CMSS1: variants seen among roughly 807,000 people sequenced by gnomAD.
CMSS1 encodes protein CMSS1.
In CMSS1, 33 loss-of-function variants were observed where a neutral mutation model predicts 43.5. The observed-to-expected ratio is 0.76, with a 90% CI of 0.57 to 1.01. The LOEUF (loss-of-function observed/expected upper bound fraction) is 1.01, where lower values mean the gene tolerates loss of function less well. Among genes scored for constraint, CMSS1 ranks in the 50% least tolerant of loss-of-function variants. The pLI is 0.00. For missense variants in CMSS1, 313 were observed against 326.4 expected, an observed-to-expected ratio of 0.96 and a Z score of 0.32; for synonymous variants, 115 against 117.2, an observed-to-expected ratio of 0.98 and a Z score of 0.12.
intron 1 of CMSS1, among the ~76,000 whole-genome samples, chr3:99,977,470 A>T (rs942495031): frequency 1.3e-5 from 2 of 152,138 alleles, no homozygotes; most frequent in Non-Finnish European, 2.9e-5. Flanking sequence ...AGTTGGATAG[A>T]GTAGCTATGA....
chr3:100,090,646 AT>A (rs2066088366), intron 1 of CMSS1, among the ~76,000 whole-genome samples: 2 of 152,086 alleles, frequency 1.3e-5, no homozygotes, highest in Non-Finnish European at 2.9e-5. Context: ...TCTCTGTAGC[AT>A]TTCCCATTGC....
chr3:99,924,108 TG>T, intron 1 of CMSS1: 2 of 825,282 alleles, frequency 2.4e-6, no homozygotes, highest in Non-Finnish European at 3.9e-6. Flanking sequence ...TTCCTCACCC[TG>T]GACTATGAGA....
chr3:99,871,851 A>AT (rs1482727467), intron 1 of CMSS1, among the ~76,000 whole-genome samples: 7 of 151,900 alleles, frequency 4.6e-5, no homozygotes, highest in Non-Finnish European at 8.8e-5. Context: ...AAATACACTT[A>AT]TTTTTTATTT....
At chr3:100,128,804 G>C (rs1368863967) in intron 1 of CMSS1, among the ~76,000 whole-genome samples, 1 of 152,190 alleles carries the variant, frequency 6.6e-6, no homozygotes, top group Admixed American at 6.5e-5. Flanking sequence ...ATGCTTTTGA[G>C]ATTAATCCAC....
intron 1 of CMSS1, among the ~76,000 whole-genome samples, chr3:100,008,419 T>G (rs1228964349): frequency 6.6e-6 from 1 of 152,194 alleles, no homozygotes; most frequent in Non-Finnish European, 1.5e-5. Context: ...GCAGCCAGGG[T>G]ACCCTTCATA....
chr3:100,014,882 T>TC (rs1710280304), intron 1 of CMSS1, among the ~76,000 whole-genome samples: 2 of 132,814 alleles, frequency 1.5e-5, no homozygotes, highest in South Asian at 2.6e-4. Flanking sequence ...TTCTTTTTTT[T>TC]TTTTCTTTCT....
intron 1 of CMSS1, among the ~76,000 whole-genome samples, chr3:99,818,280 C>T (rs1192198790): frequency 2.0e-5 from 3 of 152,250 alleles, no homozygotes; most frequent in African/African-American, 7.2e-5. Flanking sequence ...CACAAGCTTT[C>T]TCTTTTCCTT....
At chr3:100,071,146 T>C in intron 1 of CMSS1, among the ~76,000 whole-genome samples, 1 of 141,952 alleles carries the variant, frequency 7.0e-6, no homozygotes, top group Non-Finnish European at 1.5e-5. Flanking sequence ...TCTTTTTAAG[T>C]TCTTATAATT....
At chr3:99,890,548 C>T (rs1184095496) in intron 1 of CMSS1, among the ~76,000 whole-genome samples, 1 of 152,116 alleles carries the variant, frequency 6.6e-6, no homozygotes, top group African/African-American at 2.4e-5. Flanking sequence ...GTTATTCCAT[C>T]TGTTTGGCTT....
chr3:99,953,674 A>C (rs938705537), intron 1 of CMSS1, among the ~76,000 whole-genome samples: 3 of 152,198 alleles, frequency 2.0e-5, no homozygotes, highest in Non-Finnish European at 4.4e-5. Flanking sequence ...ATATATTTGA[A>C]ACACTGATTA....
chr3:99,895,360 G>A (rs1706215092), intron 1 of CMSS1, among the ~76,000 whole-genome samples: 2 of 150,636 alleles, frequency 1.3e-5, no homozygotes, highest in South Asian at 4.2e-4. Flanking sequence ...TATTTAGTGA[G>A]CTTTCAGTCA....
intron 6 of CMSS1, among the ~76,000 whole-genome samples, chr3:100,169,999 C>T (rs2067096622): frequency 6.6e-6 from 1 of 152,196 alleles, no homozygotes; most frequent in South Asian, 2.1e-4. Context: ...TGATCCATTT[C>T]AAGGTTAGGT....
intron 1 of CMSS1, among the ~76,000 whole-genome samples, chr3:99,845,346 A>G (rs1206540222): frequency 6.6e-6 from 1 of 152,184 alleles, no homozygotes; most frequent in Non-Finnish European, 1.5e-5. Flanking sequence ...TTAAAGAGAT[A>G]GTGGGAATGT....
chr3:100,097,955 C>T (rs946143688), intron 1 of CMSS1, among the ~76,000 whole-genome samples: 11 of 152,128 alleles, frequency 7.2e-5, no homozygotes, highest in African/African-American at 1.9e-4. Context: ...ATTTCATCAA[C>T]GGTAGCATAT....
At chr3:99,912,083 G>T (rs777509466) in intron 1 of CMSS1, among the ~76,000 whole-genome samples, 1 of 152,002 alleles carries the variant, frequency 6.6e-6, no homozygotes, top group Non-Finnish European at 1.5e-5. Flanking sequence ...ATCATCAATA[G>T]TTTTATATCT....
chr3:99,892,847 T>C (rs2107616424), intron 1 of CMSS1, among the ~76,000 whole-genome samples: 1 of 152,368 alleles, frequency 6.6e-6, no homozygotes, highest in Non-Finnish European at 1.5e-5. Context: ...ATAGGTCAAG[T>C]TCATGTCGAT....
chr3:100,136,022 G>T (rs2066750262), intron 1 of CMSS1, among the ~76,000 whole-genome samples: 1 of 152,094 alleles, frequency 6.6e-6, no homozygotes, highest in Admixed American at 6.5e-5. Context: ...TGTACATCAG[G>T]CTATAGCTGT....
intron 1 of CMSS1, among the ~76,000 whole-genome samples, chr3:100,073,067 A>G (rs1397545316): frequency 1.3e-5 from 2 of 152,220 alleles, no homozygotes; most frequent in Non-Finnish European, 2.9e-5. Flanking sequence ...GTGTATGTTC[A>G]TAATAAAATG....
intron 1 of CMSS1, chr3:99,929,864 T>C (rs1707420916): frequency 2.5e-6 from 4 of 1,611,852 alleles, no homozygotes; most frequent in South Asian, 2.2e-5. Context: ...ACCTCATTCA[T>C]TGGTTTCTCA....
Sources: allele counts gnomAD v4.1 joint callset (sites outside exome capture counted in the v4.1 genomes callset), GRCh38; gene constraint gnomAD v4.1.1; transcripts MANE v1.5; gene names NCBI Gene and HGNC (gene_info 2026-07-23, HGNC 2026-07-21).